Variants in PCDHA2 observed in about 807,000 individuals in gnomAD.
The protein encoded by PCDHA2 is protocadherin alpha-2.
A neutral mutation model predicts 66.0 loss-of-function variants in PCDHA2; 58 were observed. That is an observed-to-expected ratio of 0.88 (90% confidence interval 0.71 to 1.09). The LOEUF is 1.09. PCDHA2 is among the 50% of genes least tolerant of loss of function. The pLI is 0.00. For synonymous variants in PCDHA2, 634 were observed against 554.0 expected, an observed-to-expected ratio of 1.14 and a Z score of -2.03; for missense variants, 1,267 against 1,242.3, an observed-to-expected ratio of 1.02 and a Z score of -0.30.
intron 1 of PCDHA2, among the ~76,000 whole-genome samples, chr5:140,919,029 A>C (rs1474107507): frequency 6.6e-6 from 1 of 152,126 alleles, no homozygotes; most frequent in Non-Finnish European, 1.5e-5. Flanking sequence ...TCTTCTGCCT[A>C]GTTGTTGTCC....
intron 1 of PCDHA2, among the ~76,000 whole-genome samples, chr5:140,831,726 T>G (rs1554133357): frequency 6.6e-6 from 1 of 152,106 alleles, no homozygotes. Context: ...TTTGGTGTTA[T>G]CCTCCCTTGC....
intron 1 of PCDHA2, chr5:140,816,876 ACTCAGCTCTTTTAGGTTCTGAGAAGCC>A (rs1766016006): frequency 6.6e-6 from 1 of 151,704 alleles, no homozygotes; most frequent in African/African-American, 2.4e-5. Flanking sequence ...AGCAGTATTC[ACTCAGCTCTTTTAGGTTCTGAGAAGCC>A]CTCAGTTATA....
At chr5:141,002,435 C>A (rs958320342) in intron 3 of PCDHA2, among the ~76,000 whole-genome samples, 3 of 152,280 alleles carry the variant, frequency 2.0e-5, no homozygotes, top group South Asian at 2.1e-4. Flanking sequence ...AGGCAATAAC[C>A]ATAATAATTG....
intron 1 of PCDHA2, among the ~76,000 whole-genome samples, chr5:140,896,499 A>G (rs1029698205): frequency 6.6e-6 from 1 of 150,502 alleles, no homozygotes; most frequent in African/African-American, 2.4e-5. Flanking sequence ...AGTAGCTGGG[A>G]CTGTGCAGGC....
At chr5:140,909,484 G>A (rs981292788) in intron 1 of PCDHA2, among the ~76,000 whole-genome samples, 1 of 152,180 alleles carries the variant, frequency 6.6e-6, no homozygotes, top group African/African-American at 2.4e-5. Context: ...CTAAATAGGA[G>A]AGCTGAACGG....
Position 140,828,897 on chromosome 5 carries a change from G to T in PCDHA2, c.2388+31545G>T, listed in dbSNP as rs2150160377. ...GTTATCAGACTGAATGCTTCTGATC[G>T]GGATGAAGGAGCGAATGGGGCAATT... On this transcript the variant is annotated intron_variant, in intron 1 of 3. Coordinates refer to ENST00000526136, the MANE Select transcript of PCDHA2 (RefSeq NM_018905.3). 1.5e-5 allele frequency: 25 copies of T among 1,614,052 alleles called. No homozygotes were observed. In the African/African-American group the frequency reaches 3.1e-4, roughly 20 times the overall value.
At chr5:140,978,907 G>A (rs782602741) in intron 1 of PCDHA2, 42 bp from the exon 2 acceptor site, 3 of 1,613,766 alleles carry the variant, frequency 1.9e-6, no homozygotes, top group South Asian at 2.2e-5. Context: ...GGAGAACATT[G>A]TCTTGTCATT....
chr5:140,809,610 GT>G (rs1419017623), intron 1 of PCDHA2: 3 of 1,519,732 alleles, frequency 2.0e-6, no homozygotes, highest in Admixed American at 2.2e-5. Flanking sequence ...TTTTCGTATT[GT>G]TTTTCTCTAT....
At chr5:140,959,751 T>C (rs553950058) in intron 1 of PCDHA2, among the ~76,000 whole-genome samples, 12 of 152,210 alleles carry the variant, frequency 7.9e-5, no homozygotes, top group Non-Finnish European at 1.8e-4. Flanking sequence ...CCTTAAAGTA[T>C]ATTTTAATAT....
At chr5:140,950,821 G>T (rs1361371532) in intron 1 of PCDHA2, among the ~76,000 whole-genome samples, 8 of 152,020 alleles carry the variant, frequency 5.3e-5, no homozygotes, top group Non-Finnish European at 4.4e-5. Context: ...TAGGGTTAAA[G>T]TTTGGTCCTT....
intron 1 of PCDHA2, among the ~76,000 whole-genome samples, chr5:140,950,537 C>T (rs1439965496): frequency 1.3e-5 from 2 of 152,002 alleles, no homozygotes; most frequent in Non-Finnish European, 1.5e-5. Flanking sequence ...TTTTGTTGCT[C>T]TTGCATGGCT....
At chr5:140,922,888 C>A (rs1584282377) in intron 1 of PCDHA2, among the ~76,000 whole-genome samples, 1 of 152,236 alleles carries the variant, frequency 6.6e-6, no homozygotes, top group South Asian at 2.1e-4. Flanking sequence ...AGACATCATT[C>A]AAGAAAAAAT....
intron 1 of PCDHA2, chr5:140,841,803 A>C (rs1311079057): frequency 6.2e-7 from 1 of 1,613,804 alleles, no homozygotes; most frequent in African/African-American, 1.3e-5. Flanking sequence ...TCCGATGCAG[A>C]TGTTGGAGCT....
intron 1 of PCDHA2, among the ~76,000 whole-genome samples, chr5:140,892,799 G>A (rs1222453314): frequency 6.6e-6 from 1 of 152,108 alleles, no homozygotes; most frequent in African/African-American, 2.4e-5. Flanking sequence ...AGAAATTATA[G>A]TTAACCATAT....
chr5:140,841,402 G>A (rs2150314669), intron 1 of PCDHA2: 15 of 1,613,154 alleles, frequency 9.3e-6, no homozygotes, highest in Non-Finnish European at 1.3e-5. Flanking sequence ...GGAAGGTGGG[G>A]AGCGGCCAGC....
intron 1 of PCDHA2, among the ~76,000 whole-genome samples, chr5:140,874,280 C>CA (rs1218640311): frequency 6.6e-6 from 1 of 152,146 alleles, no homozygotes; most frequent in Non-Finnish European, 1.5e-5. Context: ...AATAGACTTA[C>CA]AAAATCTATG....
intron 1 of PCDHA2, among the ~76,000 whole-genome samples, chr5:140,879,549 A>T (rs1345193552): frequency 2.0e-5 from 3 of 152,246 alleles, no homozygotes; most frequent in Admixed American, 6.5e-5. Context: ...AGAGAAAAAA[A>T]TAATCCATGA....
chr5:140,822,799 G>A, intron 1 of PCDHA2: 1 of 1,614,160 alleles, frequency 6.2e-7, no homozygotes, highest in Middle Eastern at 1.6e-4. Flanking sequence ...ACTCCTGGAT[G>A]TGAATGATAA....
intron 1 of PCDHA2, chr5:140,882,711 C>T (rs1554175311): frequency 6.2e-7 from 1 of 1,614,160 alleles, no homozygotes; most frequent in Non-Finnish European, 8.5e-7. Context: ...TCTAGACCTC[C>T]GGAAACTCGA....
Sources: gnomAD v4.1 joint callset for allele counts (sites outside exome capture counted in the v4.1 genomes callset) on GRCh38, gnomAD v4.1.1 for gene constraint, MANE v1.5 for transcripts, NCBI Gene and HGNC (gene_info 2026-07-23, HGNC 2026-07-21) for gene names.